CADM1: variants seen among roughly 807,000 people sequenced by gnomAD.
CADM1 encodes the protein cell adhesion molecule 1, also known as TSLC-1.
Under a neutral mutation model 53.1 loss-of-function variants are expected in CADM1, and 15 were observed. That is an observed-to-expected ratio of 0.28 (90% CI 0.19 to 0.44). The LOEUF is 0.44. Among genes scored for constraint, CADM1 ranks in the 20% least tolerant of loss-of-function variants. The probability of loss-of-function intolerance (pLI) is 1.00; values close to 1 mark genes in which losing one functional copy is unlikely to be tolerated. For missense variants in CADM1, 434 were observed against 611.3 expected (o/e 0.71, Z 3.06); for synonymous variants, 281 against 243.0 (o/e 1.16, Z -1.45).
At chr11:115,443,409 C>T (rs1034350885) in intron 1 of CADM1, among the ~76,000 whole-genome samples, 88 of 152,116 alleles carry the variant, frequency 5.8e-4, no homozygotes, top group African/African-American at 2.1e-3. Context: ...AGCTGTGTAG[C>T]CTGGGGAGAA....
intron 1 of CADM1, among the ~76,000 whole-genome samples, chr11:115,277,697 C>G (rs1565339651): frequency 6.6e-6 from 1 of 151,776 alleles, no homozygotes; most frequent in Non-Finnish European, 1.5e-5. Flanking sequence ...TTATTTTTTC[C>G]TCTCATACTC....
chr11:115,209,504 C>T, intron 8 of CADM1, 70 bp downstream of exon 8: 2 of 1,599,332 alleles, frequency 1.3e-6, no homozygotes, highest in Non-Finnish European at 1.7e-6. Context: ...AACTTTTCGG[C>T]TTCTTTTTAT....
chr11:115,295,550 A>ATAAT (rs371584699), intron 1 of CADM1, among the ~76,000 whole-genome samples: 6 of 52,996 alleles, frequency 1.1e-4, no homozygotes, highest in South Asian at 5.4e-4. Context: ...ATATATATAT[A>ATAAT]ATATATATGT....
chr11:115,250,469 A>G (rs1447471120), intron 1 of CADM1, among the ~76,000 whole-genome samples: 7 of 152,226 alleles, frequency 4.6e-5, no homozygotes, highest in Admixed American at 3.9e-4. Flanking sequence ...GATATTTAAA[A>G]TCATAAGACT....
chr11:115,355,731 CACACACAG>C (rs1302980107), intron 1 of CADM1, among the ~76,000 whole-genome samples: 1 of 134,790 alleles, frequency 7.4e-6, no homozygotes, highest in Admixed American at 7.4e-5. Flanking sequence ...CACACACACA[CACACACAG>C]GCACAAATTC....
At chr11:115,446,498 GT>G (rs1254554149) in intron 1 of CADM1, among the ~76,000 whole-genome samples, 1 of 152,184 alleles carries the variant, frequency 6.6e-6, no homozygotes, top group Admixed American at 6.5e-5. Flanking sequence ...GGCACTGAGT[GT>G]TTTTAAGATG....
intron 1 of CADM1, among the ~76,000 whole-genome samples, chr11:115,328,026 TTC>T (rs1402506891): frequency 6.6e-6 from 1 of 152,136 alleles, no homozygotes; most frequent in African/African-American, 2.4e-5. Context: ...TAAATTATCC[TTC>T]TGTTTCTCTG....
chr11:115,239,895 T>C (rs1306362316), intron 2 of CADM1, among the ~76,000 whole-genome samples: 2 of 152,208 alleles, frequency 1.3e-5, no homozygotes, highest in Admixed American at 6.5e-5. Flanking sequence ...CTTGGTTTTA[T>C]GCTTATAGGC....
chr11:115,437,960 C>G (rs1948220853), intron 1 of CADM1, among the ~76,000 whole-genome samples: 1 of 152,134 alleles, frequency 6.6e-6, no homozygotes, highest in African/African-American at 2.4e-5. Context: ...AGCTTTAAGG[C>G]TCCACATGAA....
chr11:115,399,288 T>A (rs890759191), intron 1 of CADM1: 3 of 152,168 alleles, frequency 2.0e-5, no homozygotes, highest in African/African-American at 7.2e-5. Flanking sequence ...AGACTACACA[T>A]ACAAAGAGTT....
At chr11:115,307,498 T>C (rs1464062179) in intron 1 of CADM1, among the ~76,000 whole-genome samples, 2 of 103,976 alleles carry the variant, frequency 1.9e-5, no homozygotes, top group Non-Finnish European at 3.6e-5. Flanking sequence ...TTTTCAACTA[T>C]TTAAGCCAGG....
chr11:115,444,774 A>G (rs1948411915), intron 1 of CADM1, among the ~76,000 whole-genome samples: 1 of 152,246 alleles, frequency 6.6e-6, no homozygotes, highest in South Asian at 2.1e-4. Context: ...TAGAAAATCA[A>G]TTCGCCTCTC....
chr11:115,452,799 C>G (rs1334023301), intron 1 of CADM1, among the ~76,000 whole-genome samples: 2 of 151,988 alleles, frequency 1.3e-5, no homozygotes, highest in African/African-American at 4.8e-5. Context: ...AGATAAAGTA[C>G]AAAGTTTACA....
intron 1 of CADM1, among the ~76,000 whole-genome samples, chr11:115,429,945 G>A (rs976392683): frequency 1.1e-4 from 17 of 152,038 alleles, no homozygotes; most frequent in Admixed American, 6.6e-4. Context: ...AGATGAGGGC[G>A]TGAGGGGGGA....
At chr11:115,366,440 A>G (rs770957259) in intron 1 of CADM1, among the ~76,000 whole-genome samples, 1 of 152,212 alleles carries the variant, frequency 6.6e-6, no homozygotes, top group Non-Finnish European at 1.5e-5. Context: ...AGGATTTTGT[A>G]AGGTTGTAAA....
intron 1 of CADM1, among the ~76,000 whole-genome samples, chr11:115,307,100 T>C (rs1181730708): frequency 1.3e-5 from 2 of 152,004 alleles, no homozygotes; most frequent in African/African-American, 2.4e-5. Context: ...ATGCACATGA[T>C]ATTTATAACA....
chr11:115,302,759 G>A (rs1363431672), intron 1 of CADM1, among the ~76,000 whole-genome samples: 2 of 152,060 alleles, frequency 1.3e-5, no homozygotes, highest in Non-Finnish European at 2.9e-5. Flanking sequence ...GCCCAGGAAA[G>A]GTTCTCAATG....
rs869273547 is a variant in CADM1 at position 115,340,658 on chromosome 11, A to ATTT, written c.125-100241_125-100239dup. ...TATATATATATATATATATATATAT[A>ATTT]TTTTTTTTTTTTTTTTTTTTGAGAC... On this transcript the variant is annotated intron_variant, in intron 1 of 11. Transcript: ENST00000331581. Among the ~76,000 whole-genome samples the ATTT allele has an allele frequency of 3.8e-3, 132 of 34,938 alleles. 5 individuals are homozygous for ATTT. The highest frequency in any genetic ancestry group is 0.02 in the East Asian group (18 of 916). 22.9% of individuals were successfully genotyped at this position (34,938 alleles called of 152,430 possible).
At chr11:115,409,437 A>G (rs1350141882) in intron 1 of CADM1, among the ~76,000 whole-genome samples, 1 of 151,668 alleles carries the variant, frequency 6.6e-6, no homozygotes, top group Non-Finnish European at 1.5e-5. Flanking sequence ...CTTTTCTTTC[A>G]TTGTTAAATA....
Sources: gnomAD v4.1 joint callset for allele counts (sites outside exome capture counted in the v4.1 genomes callset) on GRCh38, gnomAD v4.1.1 for gene constraint, MANE v1.5 for transcripts, NCBI Gene and HGNC (gene_info 2026-07-23, HGNC 2026-07-21) for gene names.